CLEC16A: variants seen among roughly 807,000 people sequenced by gnomAD.
CLEC16A encodes C-type lectin domain containing 16A.
A neutral mutation model predicts 109.5 loss-of-function variants in CLEC16A; 51 were observed. The ratio of observed to expected loss-of-function variants is 0.47; its 90% CI spans 0.37 to 0.59. The LOEUF (loss-of-function observed/expected upper bound fraction) is 0.59, where lower values mean the gene tolerates loss of function less well. Among genes scored for constraint, CLEC16A ranks in the 20% least tolerant of loss-of-function variants. The pLI, the probability that CLEC16A is intolerant of heterozygous loss-of-function variation, is 0.00. For synonymous variants in CLEC16A, 673 were observed against 564.2 expected, an observed-to-expected ratio of 1.19 and a Z score of -2.73; for missense variants, 1,339 against 1,394.0, an observed-to-expected ratio of 0.96 and a Z score of 0.63.
chr16:10,990,473 G>A (rs1438925216), intron 10 of CLEC16A, among the ~76,000 whole-genome samples: 1 of 152,242 alleles, frequency 6.6e-6, no homozygotes, highest in African/African-American at 2.4e-5. Flanking sequence ...AAGGGAGCAG[G>A]CTTTAGCCAG....
At chr16:11,146,290 T>C (rs886229649) in intron 22 of CLEC16A, among the ~76,000 whole-genome samples, 2 of 152,182 alleles carry the variant, frequency 1.3e-5, no homozygotes, top group Admixed American at 6.5e-5. Flanking sequence ...TCCCATCCCA[T>C]TATCAAACTG....
intron 11 of CLEC16A, among the ~76,000 whole-genome samples, chr16:11,009,108 T>A (rs1045162217): frequency 1.3e-5 from 2 of 152,146 alleles, no homozygotes; most frequent in African/African-American, 2.4e-5. Context: ...ATTTAATAAC[T>A]CCCCACCCCA....
intron 22 of CLEC16A, chr16:11,156,575 C>G: frequency 7.7e-7 from 1 of 1,303,954 alleles, no homozygotes; most frequent in Non-Finnish European, 1.0e-6. Context: ...CCGTTTCAGC[C>G]CTGCTGACTG....
intron 6 of CLEC16A, 145 bp downstream of exon 6, chr16:10,972,704 C>A: frequency 1.2e-6 from 1 of 853,654 alleles, no homozygotes; most frequent in South Asian, 1.7e-5. Context: ...AATGTTTAGC[C>A]CAACTAATTT....
intron 18 of CLEC16A, 110 bp downstream of exon 18, chr16:11,051,751 A>T: frequency 7.3e-7 from 1 of 1,372,236 alleles, no homozygotes; most frequent in South Asian, 1.3e-5. Flanking sequence ...CCCTCAACAC[A>T]GCTTAGACAG....
At chr16:11,065,059 GAT>G (rs1012252400) in intron 19 of CLEC16A, among the ~76,000 whole-genome samples, 60 of 152,334 alleles carry the variant, frequency 3.9e-4, no homozygotes, top group African/African-American at 1.4e-3. Context: ...GGGTAAGAAA[GAT>G]ATAGCTCTGG....
In CLEC16A at chr16:10,958,029, A is replaced by G. The variant is rs571573966; in HGVS notation, c.209+119A>G. 2.7e-4 allele frequency: 260 copies of G among 971,618 alleles called. No individual in the cohort carries two copies. The African/African-American group carries it at 3.9e-3, about 14-fold the overall frequency. 60.2% of individuals were successfully genotyped at this position (971,618 alleles called of 1,614,324 possible). On this transcript the variant is annotated intron_variant, in intron 2 of 23. Transcript: ENST00000409790. ...TTGACGCTAATTTGATCTTGCCTAG[A>G]TATCTATCTCTGTCTAGCTGTAAAA... is the stretch of plus-strand genomic sequence containing the variant.
At chr16:11,011,634 G>A (rs1439553671) in intron 11 of CLEC16A, among the ~76,000 whole-genome samples, 2 of 152,180 alleles carry the variant, frequency 1.3e-5, no homozygotes, top group Non-Finnish European at 2.9e-5. Context: ...TTGGGCACTG[G>A]ATGTGCTCAT....
intron 19 of CLEC16A, 35 bp from the exon 20 acceptor site, chr16:11,120,580 T>G (rs200947280): frequency 1.9e-6 from 3 of 1,582,664 alleles, no homozygotes; most frequent in South Asian, 1.2e-5. Flanking sequence ...GCAGCCAGAC[T>G]GTGCCTCATT....
At chr16:10,967,388 G>A (rs2042564050) in intron 3 of CLEC16A, among the ~76,000 whole-genome samples, 1 of 152,062 alleles carries the variant, frequency 6.6e-6, no homozygotes, top group Non-Finnish European at 1.5e-5. Flanking sequence ...CTGGAATATG[G>A]TAGAGATTTT....
intron 19 of CLEC16A, among the ~76,000 whole-genome samples, chr16:11,114,178 T>TGTGTGTGTGTGTGTGTGTG (rs1567337380): frequency 2.1e-5 from 3 of 145,320 alleles, no homozygotes; most frequent in Non-Finnish European, 4.5e-5. Context: ...TGTGTGTGTG[T>TGTGTGTGTGTGTGTGTGTG]TTATTGGCAA....
intron 1 of CLEC16A, among the ~76,000 whole-genome samples, chr16:10,947,020 G>T (rs2145606380): frequency 6.6e-6 from 1 of 152,376 alleles, no homozygotes; most frequent in African/African-American, 2.4e-5. Context: ...ATCTTTGCCA[G>T]CCAGCAGGGA....
chr16:11,156,238 C>T (rs62023561), intron 22 of CLEC16A, among the ~76,000 whole-genome samples: 4,760 of 152,056 alleles, frequency 0.031, 91 homozygotes, highest in Middle Eastern at 0.041. Context: ...AGCATGGTGG[C>T]GCACACCTGC....
At position 10,969,241 on chromosome 16, in the gene CLEC16A, T is replaced by C. The variant is rs765689920; in HGVS notation, c.424T>C (p.Tyr142His). 6.2e-7 allele frequency: 1 copy of C among 1,610,508 alleles called. No homozygotes were observed. The highest frequency in any genetic ancestry group is 1.1e-5 in the South Asian group (1 of 90,876). ...DFSDEEIMAY[Y>H]ISFLKTLSLK... ...TTCTGATGAGGAGATTATGGCCTAT[T>C]ATATATCGTTCCTGAAAACACTTTC... is the stretch of plus-strand genomic sequence containing the variant. The change falls in exon 4 of 24, where the codon TAT (tyrosine) becomes CAT (histidine). Residue 142 changes from tyrosine to histidine, a missense_variant. Around this residue, in one of 3 missense-constraint regions of CLEC16A, gnomAD observed 161 missense variants for 267.1 expected, o/e 0.60. Transcript: ENST00000409790.
chr16:10,965,056 C>G (rs1408965770), intron 3 of CLEC16A, among the ~76,000 whole-genome samples: 1 of 152,240 alleles, frequency 6.6e-6, no homozygotes, highest in Non-Finnish European at 1.5e-5. Flanking sequence ...CCTCCCCAGT[C>G]CCTGGTAACC....
At chr16:11,025,974 C>G (rs1384636396) in intron 13 of CLEC16A, among the ~76,000 whole-genome samples, 1 of 152,058 alleles carries the variant, frequency 6.6e-6, no homozygotes, top group African/African-American at 2.4e-5. Flanking sequence ...ATGGAGATAC[C>G]CATATTGTGC....
At chr16:11,002,321 A>G (rs1371691405) in intron 10 of CLEC16A, among the ~76,000 whole-genome samples, 1 of 152,184 alleles carries the variant, frequency 6.6e-6, no homozygotes, top group East Asian at 1.9e-4. Flanking sequence ...CAAACAGCTA[A>G]TATTTGGGGA....
At chr16:10,958,734 T>A (rs1361684480) in intron 2 of CLEC16A, among the ~76,000 whole-genome samples, 5 of 152,048 alleles carry the variant, frequency 3.3e-5, no homozygotes, top group Admixed American at 3.3e-4. Context: ...AGAGACCTCG[T>A]CTCTACGTAT....
At chr16:11,159,016 C>T (rs998841497) in intron 22 of CLEC16A, among the ~76,000 whole-genome samples, 1 of 151,976 alleles carries the variant, frequency 6.6e-6, no homozygotes, top group Non-Finnish European at 1.5e-5. Context: ...GGGTTTCCCA[C>T]TTCTTAATTT....
Sources: gnomAD v4.1 joint callset for allele counts (sites outside exome capture counted in the v4.1 genomes callset) on GRCh38, gnomAD v4.1.1 for gene constraint, gnomAD v4.1.1 regional missense constraint, MANE v1.5 for transcripts, NCBI Gene and HGNC (gene_info 2026-07-23, HGNC 2026-07-21) for gene names.